SMURF1: variants seen among roughly 807,000 people sequenced by gnomAD.
SMURF1 encodes the protein SMAD specific E3 ubiquitin protein ligase 1.
In SMURF1, 44 loss-of-function variants were observed where a neutral mutation model predicts 98.0. The ratio of observed to expected loss-of-function variants is 0.45; its 90% CI spans 0.35 to 0.58. SMURF1 has a LOEUF of 0.58. SMURF1 is among the 20% of genes least tolerant of loss of function. SMURF1 has a pLI of 0.00. For synonymous variants in SMURF1, 396 were observed against 374.9 expected (o/e 1.06, Z -0.65); for missense variants, 687 against 938.4 (o/e 0.73, Z 3.50).
chr7:99,076,710 A>G (rs1384067473), intron 1 of SMURF1, among the ~76,000 whole-genome samples: 2 of 152,382 alleles, frequency 1.3e-5, no homozygotes, highest in East Asian at 1.9e-4. Flanking sequence ...AAATTGCTTC[A>G]TTAATTGCAA....
chr7:99,115,210 T>C (rs1335675049), intron 1 of SMURF1, among the ~76,000 whole-genome samples: 1 of 152,042 alleles, frequency 6.6e-6, no homozygotes, highest in African/African-American at 2.4e-5. Context: ...GTTGGTTCTT[T>C]GAAAAGATCA....
intron 1 of SMURF1, among the ~76,000 whole-genome samples, chr7:99,108,694 G>A (rs1452618104): frequency 6.7e-6 from 1 of 149,886 alleles, no homozygotes; most frequent in African/African-American, 2.5e-5. Flanking sequence ...GATGAGCAGA[G>A]CATTTTCCAG....
intron 1 of SMURF1, among the ~76,000 whole-genome samples, chr7:99,136,843 G>A (rs1056167291): frequency 1.3e-5 from 2 of 152,084 alleles, no homozygotes; most frequent in East Asian, 1.9e-4. Context: ...TCAGCTACTC[G>A]GGAGGCTGAG....
At chr7:99,121,456 G>T (rs1200166237) in intron 1 of SMURF1, among the ~76,000 whole-genome samples, 1 of 152,062 alleles carries the variant, frequency 6.6e-6, no homozygotes, top group Non-Finnish European at 1.5e-5. Flanking sequence ...CACCTAGTTT[G>T]CAAGCCATAT....
At chr7:99,081,842 G>A (rs1012699868) in intron 1 of SMURF1, among the ~76,000 whole-genome samples, 1 of 152,198 alleles carries the variant, frequency 6.6e-6, no homozygotes, top group Non-Finnish European at 1.5e-5. Context: ...TAGTAGAGAT[G>A]GGGTTTTGCC....
At chr7:99,104,430 G>T (rs961730551) in intron 1 of SMURF1, among the ~76,000 whole-genome samples, 8 of 152,050 alleles carry the variant, frequency 5.3e-5, no homozygotes, top group African/African-American at 1.7e-4. Context: ...CCTGGTTCTG[G>T]AGCCTCACTC....
At chr7:99,068,246 CTGA>C (rs922947114) in intron 1 of SMURF1, among the ~76,000 whole-genome samples, 5 of 152,184 alleles carry the variant, frequency 3.3e-5, no homozygotes, top group Admixed American at 6.5e-5. Context: ...TGTGCCCTCC[CTGA>C]TGGAAGCCTC....
At chr7:99,065,864 G>A (rs1796177302) in intron 1 of SMURF1, among the ~76,000 whole-genome samples, 1 of 152,106 alleles carries the variant, frequency 6.6e-6, no homozygotes, top group Non-Finnish European at 1.5e-5. Flanking sequence ...TGGCCAACAT[G>A]GTGAAACCCC....
rs571627114 is a variant in SMURF1, at chr7:99,053,382, T to G, written c.480-936A>C. Among the ~76,000 whole-genome samples, 19 of 152,250 alleles carry G rather than the reference T, an allele frequency of 1.2e-4. No individual in the cohort carries two copies. In the East Asian group the frequency reaches 3.7e-3, roughly 29 times the overall value. ...ATCCCTCCCCACCAACCCCAACATT[T>G]TATGACTTCATCCTTAAATATTTCC... is the stretch of plus-strand genomic sequence containing the variant. On this transcript the variant is annotated intron_variant, in intron 6 of 17. Transcript: ENST00000361368.
chr7:99,082,775 G>A (rs1207812019), intron 1 of SMURF1, among the ~76,000 whole-genome samples: 1 of 152,164 alleles, frequency 6.6e-6, no homozygotes, highest in Non-Finnish European at 1.5e-5. Flanking sequence ...AACACCTTCT[G>A]GGATGTTAAT....
chr7:99,048,712 T>C (rs1795661284), intron 9 of SMURF1: 1 of 152,088 alleles, frequency 6.6e-6, no homozygotes, highest in South Asian at 2.1e-4. Context: ...AAAATTTCAG[T>C]AAAAGGAGTA....
chr7:99,143,279 G>A (rs1343123938), intron 1 of SMURF1, among the ~76,000 whole-genome samples: 2 of 144,646 alleles, frequency 1.4e-5, no homozygotes, highest in Admixed American at 6.9e-5. Context: ...GGGGAGAAGC[G>A]AGGGGTCAGG....
At chr7:99,076,484 G>A (rs1484371872) in intron 1 of SMURF1, among the ~76,000 whole-genome samples, 1 of 152,152 alleles carries the variant, frequency 6.6e-6, no homozygotes, top group Non-Finnish European at 1.5e-5. Context: ...TTCCAGTGGA[G>A]GAACATTCTA....
At chr7:99,103,730 T>C (rs777319232) in intron 1 of SMURF1, among the ~76,000 whole-genome samples, 3 of 152,174 alleles carry the variant, frequency 2.0e-5, no homozygotes, top group Non-Finnish European at 4.4e-5. Flanking sequence ...CCAAAGATGT[T>C]TTCTGGTTTC....
chr7:99,038,516 G>A lies in SMURF1; in HGVS notation c.1560C>T (p.Asp520=), dbSNP rs141318331. Residue 520 remains aspartate, a synonymous_variant, in exon 14 of 18, where the codon GAC becomes GAT. Transcript: ENST00000361368. ...HKSLVWILEN[D]ITPVLDHTFC... is the part of the protein sequence containing the mutation. Reference sequence around the variant, plus strand: ...AGGTGTGGTCCAGTACAGGCGTGATGTCGTTCTCTCTGTTGAAATAAGACA... The same window carrying A: ...AGGTGTGGTCCAGTACAGGCGTGATATCGTTCTCTCTGTTGAAATAAGACA... 28 of 1,614,044 alleles carry A rather than the reference G, an allele frequency of 1.7e-5. 1 individual carries two copies. The African/African-American group carries it at 2.0e-4, about 12-fold the overall frequency.
Position 99,049,598 on chromosome 7 carries a change from G to C in SMURF1, c.918C>G (p.Thr306=), listed in dbSNP as rs775844288. ...IYFVDHNNRT[T]QFTDPRLHHI... ...GGTGTAACCTTGGGTCTGTAAACTG[G>C]GTTGTTCGGTTATTATGATCTACAA... The change falls in exon 9 of 18, where the codon ACC becomes ACG. Residue 306 remains threonine, a synonymous_variant. Coordinates refer to ENST00000361368, the MANE Select transcript of SMURF1 (RefSeq NM_181349.3). 1.1e-5 allele frequency: 17 copies of C among 1,613,974 alleles called. No homozygotes were observed. Among genetic ancestry groups the C allele is most frequent in the Middle Eastern group, 3.3e-4 (2 of 6,084 alleles).
intron 8 of SMURF1, 140 bp from the exon 9 acceptor site, chr7:99,049,849 A>C: frequency 1.3e-6 from 1 of 747,170 alleles, no homozygotes; most frequent in Non-Finnish European, 2.1e-6. Flanking sequence ...TCGTGGTGCT[A>C]CTTACGCCAA....
chr7:99,053,333 C>A (rs1021121863), intron 6 of SMURF1, among the ~76,000 whole-genome samples: 11 of 152,074 alleles, frequency 7.2e-5, no homozygotes, highest in African/African-American at 2.7e-4. Context: ...CCCAGCTAAC[C>A]ATCATCCAAT....
intron 1 of SMURF1, among the ~76,000 whole-genome samples, chr7:99,132,579 G>A (rs923067656): frequency 2.0e-5 from 3 of 152,088 alleles, no homozygotes; most frequent in Admixed American, 6.5e-5. Flanking sequence ...GACTATGAAG[G>A]GATGGTCAGG....
Sources: allele counts gnomAD v4.1 joint callset (sites outside exome capture counted in the v4.1 genomes callset), GRCh38; gene constraint gnomAD v4.1.1; transcripts MANE v1.5; gene names NCBI Gene and HGNC (gene_info 2026-07-23, HGNC 2026-07-21).